CNTN3: variants seen among roughly 807,000 people sequenced by gnomAD.
CNTN3 encodes contactin-3.
Under a neutral mutation model 119.1 loss-of-function variants are expected in CNTN3, and 60 were observed. The ratio of observed to expected loss-of-function variants is 0.50; its 90% CI spans 0.41 to 0.62. CNTN3 has a LOEUF of 0.62. CNTN3 is among the 20% of genes least tolerant of loss of function. The pLI is 0.00. For missense variants in CNTN3, 1,101 were observed against 1,242.4 expected (o/e 0.89, Z 1.71); for synonymous variants, 450 against 438.7 (o/e 1.03, Z -0.32).
chr3:74,366,780 G>GTGTGTATATATATATATATATATA (rs1447686332), intron 8 of CNTN3, among the ~76,000 whole-genome samples: 39 of 63,700 alleles, frequency 6.1e-4, no homozygotes, highest in African/African-American at 9.4e-4. Flanking sequence ...GTGTGTGTGT[G>GTGTGTATATATATATATATATATA]TATATATATA....
intron 4 of CNTN3, among the ~76,000 whole-genome samples, chr3:74,427,359 G>GA: frequency 6.6e-6 from 1 of 152,196 alleles, no homozygotes; most frequent in Non-Finnish European, 1.5e-5. Context: ...AGCAGTCAGA[G>GA]GGCCAGGGTG....
At chr3:74,529,509 C>T (rs942143217) in intron 1 of CNTN3, among the ~76,000 whole-genome samples, 2 of 151,796 alleles carry the variant, frequency 1.3e-5, no homozygotes, top group Non-Finnish European at 2.9e-5. Flanking sequence ...AAATAATTTA[C>T]TTATTATTTG....
chr3:74,422,428 T>C (rs931361596), intron 5 of CNTN3, among the ~76,000 whole-genome samples: 2 of 152,180 alleles, frequency 1.3e-5, no homozygotes, highest in Non-Finnish European at 2.9e-5. Context: ...GTTTTAAAAA[T>C]GAAAGGACTA....
chr3:74,303,514 G>T (rs1394106829), intron 13 of CNTN3, among the ~76,000 whole-genome samples: 1 of 152,148 alleles, frequency 6.6e-6, no homozygotes, highest in Non-Finnish European at 1.5e-5. Flanking sequence ...CCAATATGGT[G>T]AAACCCCATC....
At chr3:74,475,543 T>C (rs1266001709) in intron 4 of CNTN3, among the ~76,000 whole-genome samples, 2 of 152,182 alleles carry the variant, frequency 1.3e-5, no homozygotes, top group African/African-American at 4.8e-5. Flanking sequence ...GCTGTACTTA[T>C]GGGGAAAGGA....
chr3:74,338,257 T>G, intron 11 of CNTN3, among the ~76,000 whole-genome samples: 1 of 152,204 alleles, frequency 6.6e-6, no homozygotes, highest in East Asian at 1.9e-4. Flanking sequence ...GACATTAGAC[T>G]AGAATGAAGG....
chr3:74,585,825 C>T (rs1311327646), intron 1 of CNTN3, among the ~76,000 whole-genome samples: 4 of 151,940 alleles, frequency 2.6e-5, no homozygotes, highest in Non-Finnish European at 5.9e-5. Context: ...TAAATATAGA[C>T]AAAAAATGGA....
Position 74,365,704 on chromosome 3 carries a change from T to G in CNTN3, c.947-2A>C, listed in dbSNP as rs762695137. 6.3e-7 allele frequency: 1 copy of G among 1,596,798 alleles called. No homozygotes were observed. Among genetic ancestry groups the G allele is most frequent in the Non-Finnish European group, 8.5e-7 (1 of 1,171,864 alleles). ...TGAGTTGAACCCAATGGGGCTTTGCTTCAATGAAAGAAAAGGAAAAAGAAA... is the reference window on the plus strand; with the variant it reads ...TGAGTTGAACCCAATGGGGCTTTGCGTCAATGAAAGAAAAGGAAAAAGAAA... On this transcript the variant is annotated splice_acceptor_variant, in intron 8 of 22. Transcript: ENST00000263665. LOFTEE classifies it high-confidence loss of function.
At chr3:74,540,379 G>A (rs1226727285) in intron 1 of CNTN3, among the ~76,000 whole-genome samples, 1 of 151,998 alleles carries the variant, frequency 6.6e-6, no homozygotes, top group African/African-American at 2.4e-5. Flanking sequence ...CATTGATTTG[G>A]TTATAAACAA....
rs373079059 is a variant in CNTN3, at chr3:74,480,609, T to C, written c.358+5847A>G. Among the ~76,000 whole-genome samples the C allele has an allele frequency of 1.8e-4, 27 of 151,756 alleles. No homozygotes were observed. In the South Asian group the frequency reaches 5.6e-3, roughly 32 times the overall value. The stretch of plus-strand genomic sequence containing the variant: ...AGCAGTTTCTTCTAAAAAGGAAAAA[T>C]AGAGAAAATATGGACAAAAGCTTGA... On this transcript the variant is annotated intron_variant, in intron 4 of 22. Coordinates refer to ENST00000263665, the MANE Select transcript of CNTN3 (RefSeq NM_020872.3).
At chr3:74,558,726 A>G (rs1704107259) in intron 1 of CNTN3, among the ~76,000 whole-genome samples, 1 of 152,118 alleles carries the variant, frequency 6.6e-6, no homozygotes, top group South Asian at 2.1e-4. Flanking sequence ...TCACACCTGT[A>G]ATCCCAGCAC....
At chr3:74,451,836 A>G (rs1276255818) in intron 4 of CNTN3, among the ~76,000 whole-genome samples, 8 of 148,842 alleles carry the variant, frequency 5.4e-5, no homozygotes, top group Admixed American at 2.7e-4. Flanking sequence ...GATATGCGGC[A>G]TTATTTCTGA....
chr3:74,605,070 A>C (rs1048767074), intron 1 of CNTN3, among the ~76,000 whole-genome samples: 2 of 152,168 alleles, frequency 1.3e-5, no homozygotes, highest in Admixed American at 6.6e-5. Flanking sequence ...ACTTGATCTC[A>C]CTTACATATG....
chr3:74,390,934 T>C (rs1206365252), intron 5 of CNTN3, among the ~76,000 whole-genome samples: 1 of 152,222 alleles, frequency 6.6e-6, no homozygotes, highest in Non-Finnish European at 1.5e-5. Flanking sequence ...TTTACATTTA[T>C]TCGTTTTTCT....
At chr3:74,266,733 A>T in intron 21 of CNTN3, 84 bp from the exon 22 acceptor site, 1 of 1,248,566 alleles carries the variant, frequency 8.0e-7, no homozygotes, top group African/African-American at 1.5e-5. Context: ...GAAATTAACT[A>T]ATTTTGTCCT....
intron 4 of CNTN3, among the ~76,000 whole-genome samples, chr3:74,448,932 C>T (rs1468405826): frequency 1.3e-5 from 2 of 151,894 alleles, no homozygotes; most frequent in African/African-American, 4.8e-5. Flanking sequence ...TTTCTATATC[C>T]AAGATGAAAA....
At chr3:74,471,095 T>C (rs928160313) in intron 4 of CNTN3, among the ~76,000 whole-genome samples, 2 of 152,156 alleles carry the variant, frequency 1.3e-5, no homozygotes, top group Non-Finnish European at 2.9e-5. Context: ...CAGGATGGTC[T>C]TGATCTCTTG....
At chr3:74,571,392 G>A (rs1198711077) in intron 1 of CNTN3, among the ~76,000 whole-genome samples, 2 of 152,076 alleles carry the variant, frequency 1.3e-5, no homozygotes, top group Non-Finnish European at 2.9e-5. Context: ...CCTGGGCATT[G>A]GGCTTACATG....
At chr3:74,290,126 T>A (rs1029109106) in intron 19 of CNTN3, among the ~76,000 whole-genome samples, 1 of 152,212 alleles carries the variant, frequency 6.6e-6, no homozygotes, top group Non-Finnish European at 1.5e-5. Context: ...CAGGGATACA[T>A]TCTGAGAAAT....
Sources: gnomAD v4.1 joint callset for allele counts (sites outside exome capture counted in the v4.1 genomes callset) on GRCh38, gnomAD v4.1.1 for gene constraint, MANE v1.5 for transcripts, NCBI Gene and HGNC (gene_info 2026-07-23, HGNC 2026-07-21) for gene names.